The following MYO5A variants were observed in gnomAD, a reference collection of about 807,000 sequenced individuals.
MYO5A encodes the protein myosin VA, also known as unconventional myosin-Va.
A neutral mutation model predicts 249.7 loss-of-function variants in MYO5A; 98 were observed. The ratio of observed to expected loss-of-function variants is 0.39; its 90% confidence interval spans 0.33 to 0.46. The LOEUF is 0.46. Ranked by LOEUF, MYO5A falls within the 20% of genes least tolerant of loss-of-function variation. The pLI is 0.98. For missense variants in MYO5A, 1,696 were observed against 2,308.8 expected (o/e 0.73, Z 5.44); for synonymous variants, 778 against 810.6 (o/e 0.96, Z 0.68).
chr15:52,478,738 G>A (rs1251459610), intron 1 of MYO5A, among the ~76,000 whole-genome samples: 1 of 152,164 alleles, frequency 6.6e-6, no homozygotes, highest in East Asian at 1.9e-4. Context: ...ACTTTTTGCT[G>A]TGATATGCAA....
chr15:52,408,449 AT>A (rs11297882), intron 6 of MYO5A, among the ~76,000 whole-genome samples: 70,902 of 149,474 alleles, frequency 0.47, 18,337 homozygotes, highest in East Asian at 0.85. Flanking sequence ...AACTAAAATC[AT>A]TTTTTTTTTG....
intron 1 of MYO5A, among the ~76,000 whole-genome samples, chr15:52,462,596 C>T (rs2076274103): frequency 6.6e-6 from 1 of 152,096 alleles, no homozygotes; most frequent in African/African-American, 2.4e-5. Flanking sequence ...GCCTATAATC[C>T]CAGCACTTTC....
intron 1 of MYO5A, among the ~76,000 whole-genome samples, chr15:52,485,306 C>A (rs1400880165): frequency 6.8e-6 from 1 of 146,328 alleles, no homozygotes; most frequent in African/African-American, 2.5e-5. Context: ...TTAATCACTT[C>A]TAATGACAAA....
At chr15:52,477,246 GT>G (rs2076615439) in intron 1 of MYO5A, among the ~76,000 whole-genome samples, 1 of 152,114 alleles carries the variant, frequency 6.6e-6, no homozygotes, top group Non-Finnish European at 1.5e-5. Context: ...GCTCCATCAG[GT>G]AATTTAAGGT....
chr15:52,393,082 A>G (rs1261457321), intron 11 of MYO5A, among the ~76,000 whole-genome samples: 3 of 152,316 alleles, frequency 2.0e-5, no homozygotes, highest in Middle Eastern at 3.4e-3. Flanking sequence ...TGCCCAGCCA[A>G]TGCAGCTGAC....
At chr15:52,373,240 C>T (rs550744826) in intron 20 of MYO5A, among the ~76,000 whole-genome samples, 115 of 152,114 alleles carry the variant, frequency 7.6e-4, no homozygotes, top group African/African-American at 2.5e-3. Flanking sequence ...TTTGTTGTCG[C>T]TAAAGAGCAC....
intron 21 of MYO5A, among the ~76,000 whole-genome samples, chr15:52,371,326 T>C (rs928489033): frequency 6.6e-6 from 1 of 152,226 alleles, no homozygotes; most frequent in Non-Finnish European, 1.5e-5. Context: ...AGTAACTATC[T>C]TTAATCAAAC....
At chr15:52,453,806 A>G (rs758660727) in intron 1 of MYO5A, among the ~76,000 whole-genome samples, 2 of 152,042 alleles carry the variant, frequency 1.3e-5, no homozygotes, top group Admixed American at 1.3e-4. Context: ...ATAACTTATT[A>G]TATCTATAAG....
In MYO5A at chr15:52,528,872, G is replaced by A. The variant is rs2077774187; in HGVS notation, c.-66C>T. ...CCGCACCTCGCCTGGGCGGCCGCCC[G>A]AGCGGACTAGGAAGCGCCCGCAGCC... On this transcript the variant is annotated 5_prime_UTR_variant, in exon 1 of 42. Coordinates refer to ENST00000399233, the MANE Select transcript of MYO5A (RefSeq NM_001382347.1). The A allele has an allele frequency of 1.7e-5, 24 of 1,403,804 alleles. No homozygotes were observed. The highest frequency in any genetic ancestry group is 1.2e-4 in the East Asian group (4 of 32,242). 87.0% of individuals were successfully genotyped at this position (1,403,804 alleles called of 1,614,324 possible). A position where few individuals can be genotyped will look rare whatever the true frequency, so the allele number is the denominator to read the frequency against.
chr15:52,377,527 C>T (rs1026792109), intron 18 of MYO5A, among the ~76,000 whole-genome samples: 1 of 150,386 alleles, frequency 6.6e-6, no homozygotes, highest in Admixed American at 6.6e-5. Flanking sequence ...ATTCTTGCAT[C>T]AAAGAATGGA....
At chr15:52,492,684 T>C (rs1595785337) in intron 1 of MYO5A, among the ~76,000 whole-genome samples, 1 of 152,194 alleles carries the variant, frequency 6.6e-6, no homozygotes, top group Non-Finnish European at 1.5e-5. Flanking sequence ...CAATCAGGCC[T>C]GCTATGCTCT....
chr15:52,483,745 T>A (rs1378101965), intron 1 of MYO5A, among the ~76,000 whole-genome samples: 1 of 152,206 alleles, frequency 6.6e-6, no homozygotes, highest in Non-Finnish European at 1.5e-5. Context: ...ATCCCCAGAC[T>A]AGATGAACTT....
chr15:52,526,583 ACTC>A (rs1288879239), intron 1 of MYO5A, among the ~76,000 whole-genome samples: 1 of 151,630 alleles, frequency 6.6e-6, no homozygotes, highest in Non-Finnish European at 1.5e-5. Flanking sequence ...ATGGTCTCGA[ACTC>A]CTGACCTCAG....
At position 52,324,002 on chromosome 15, in the gene MYO5A, C is replaced by CAAAAAAAAAAAAAAAAAAAAA. The variant is rs56227811; in HGVS notation, c.4711-579_4711-559dup. ...CTAGAGACAGAACGAGACTCTGTCT[C>CAAAAAAAAAAAAAAAAAAAAA]AAAAAAAAAAAAAAAAAAAAAAAAA... On this transcript the variant is annotated intron_variant, in intron 36 of 41. Coordinates refer to ENST00000399233, the MANE Select transcript of MYO5A (RefSeq NM_001382347.1). 5 of 40,250 alleles carry CAAAAAAAAAAAAAAAAAAAAA rather than the reference C, an allele frequency of 1.2e-4. 1 individual carries two copies. The highest frequency in any genetic ancestry group is 3.3e-4 in the Non-Finnish European group (5 of 14,936). 2.5% of individuals were successfully genotyped at this position (40,250 alleles called of 1,614,324 possible).
intron 1 of MYO5A, among the ~76,000 whole-genome samples, chr15:52,467,406 T>C (rs1163408955): frequency 6.6e-6 from 1 of 152,118 alleles, no homozygotes; most frequent in Non-Finnish European, 1.5e-5. Flanking sequence ...GCTTCAAAAA[T>C]AGACTAGACT....
intron 1 of MYO5A, among the ~76,000 whole-genome samples, chr15:52,454,599 T>G (rs1431380287): frequency 1.3e-5 from 2 of 152,050 alleles, no homozygotes; most frequent in Non-Finnish European, 2.9e-5. Flanking sequence ...AGAACATAAC[T>G]TGGGCCACAA....
chr15:52,340,449 A>T, intron 31 of MYO5A, 55 bp from the exon 32 acceptor site: 4 of 1,486,538 alleles, frequency 2.7e-6, no homozygotes, highest in Non-Finnish European at 3.7e-6. Context: ...GTTGCTGCCT[A>T]ACGGGTGTAA....
chr15:52,423,479 G>A (rs1315830437), intron 4 of MYO5A, among the ~76,000 whole-genome samples: 4 of 152,042 alleles, frequency 2.6e-5, no homozygotes, highest in Non-Finnish European at 5.9e-5. Context: ...GTGAACCCGG[G>A]AGGCGGAGGT....
At chr15:52,484,447 AG>A (rs2076776966) in intron 1 of MYO5A, among the ~76,000 whole-genome samples, 1 of 152,216 alleles carries the variant, frequency 6.6e-6, no homozygotes, top group African/African-American at 2.4e-5. Context: ...TACCAGAAAA[AG>A]GACAGAAGAT....
Sources: gnomAD v4.1 joint callset for allele counts (sites outside exome capture counted in the v4.1 genomes callset) on GRCh38, gnomAD v4.1.1 for gene constraint, MANE v1.5 for transcripts, NCBI Gene and HGNC (gene_info 2026-07-23, HGNC 2026-07-21) for gene names.